Variants in SORCS1 observed in about 807,000 individuals in gnomAD.
SORCS1 encodes sortilin related VPS10 domain containing receptor 1, also known as VPS10 domain-containing receptor SorCS1.
SORCS1 carries 60 observed loss-of-function variants against 146.1 expected under a neutral mutation model. The ratio of observed to expected loss-of-function variants is 0.41; its 90% CI spans 0.33 to 0.51. The LOEUF is 0.51. Ranked by LOEUF, SORCS1 falls within the 20% of genes least tolerant of loss-of-function variation. SORCS1 has a pLI of 0.21. For synonymous variants in SORCS1, 637 were observed against 584.0 expected, an observed-to-expected ratio of 1.09 and a Z score of -1.31; for missense variants, 1,352 against 1,487.6, an observed-to-expected ratio of 0.91 and a Z score of 1.50.
intron 2 of SORCS1, among the ~76,000 whole-genome samples, chr10:106,865,051 C>G (rs1950178619): frequency 6.6e-6 from 1 of 150,408 alleles, no homozygotes; most frequent in Non-Finnish European, 1.5e-5. Context: ...ACTTAGCTGT[C>G]CTGCCCTTTG....
intron 2 of SORCS1, among the ~76,000 whole-genome samples, chr10:106,915,372 T>G (rs1411803418): frequency 1.3e-5 from 2 of 152,208 alleles, no homozygotes; most frequent in African/African-American, 4.8e-5. Flanking sequence ...CCTTAGCTTA[T>G]GCATTATCCT....
chr10:106,966,948 A>T (rs1300143497), intron 1 of SORCS1, among the ~76,000 whole-genome samples: 4 of 152,212 alleles, frequency 2.6e-5, no homozygotes, highest in African/African-American at 9.6e-5. Context: ...AAACCAAACT[A>T]TCAGACTCTA....
intron 3 of SORCS1, among the ~76,000 whole-genome samples, chr10:106,791,362 T>C (rs1243546057): frequency 6.6e-6 from 1 of 152,230 alleles, no homozygotes; most frequent in African/African-American, 2.4e-5. Flanking sequence ...TCAATTACTA[T>C]TTCCTCAAGT....
At chr10:106,653,299 T>A (rs1395380337) in intron 17 of SORCS1, among the ~76,000 whole-genome samples, 1 of 152,226 alleles carries the variant, frequency 6.6e-6, no homozygotes, top group Non-Finnish European at 1.5e-5. Context: ...GGTTCAGCGT[T>A]ATCTAGCCAT....
intron 24 of SORCS1, among the ~76,000 whole-genome samples, chr10:106,581,111 C>A (rs927081580): frequency 1.3e-5 from 2 of 152,170 alleles, no homozygotes; most frequent in Non-Finnish European, 1.5e-5. Context: ...TCAGAACTCA[C>A]CCTGCAACTG....
At chr10:107,135,755 C>T (rs1188001304) in intron 1 of SORCS1, among the ~76,000 whole-genome samples, 1 of 152,150 alleles carries the variant, frequency 6.6e-6, no homozygotes, top group Non-Finnish European at 1.5e-5. Flanking sequence ...ATTAAATACC[C>T]AGTAAAGTGC....
rs1380725939 is a variant in SORCS1, at chr10:106,806,505, C to CTTTCTTTTTTTTTTTTTTTTTTT, written c.726+23068_726+23069insAAAAAAAAAAAAAAAAAAAGAAA. Among the ~76,000 whole-genome samples the CTTTCTTTTTTTTTTTTTTTTTTT allele has an allele frequency of 2.8e-5, 2 of 70,468 alleles. 1 individual carries two copies. The allele number at this position is 70,468 out of a possible 152,430, so 46.2% of individuals were successfully genotyped here. On this transcript the variant is annotated intron_variant, in intron 3 of 25. Transcript: ENST00000263054. The stretch of plus-strand genomic sequence containing the variant: ...CAGCCCTTCTGATGAGAGAGGAAGC[C>CTTTCTTTTTTTTTTTTTTTTTTT]TTTTTTTTTTTTTTTTTTTTTTTTT...
At chr10:107,022,325 C>G (rs1160823221) in intron 1 of SORCS1, among the ~76,000 whole-genome samples, 2 of 152,164 alleles carry the variant, frequency 1.3e-5, no homozygotes, top group Non-Finnish European at 2.9e-5. Flanking sequence ...GAGTCCAGAC[C>G]AATCTTAAAT....
intron 2 of SORCS1, among the ~76,000 whole-genome samples, chr10:106,875,075 T>C (rs1007109787): frequency 5.9e-5 from 9 of 152,158 alleles, no homozygotes; most frequent in East Asian, 3.9e-4. Context: ...GTAGTGTACA[T>C]CGTACCCAAT....
intron 2 of SORCS1, among the ~76,000 whole-genome samples, chr10:106,929,600 T>A (rs1005680989): frequency 2.0e-5 from 3 of 152,224 alleles, no homozygotes; most frequent in African/African-American, 7.2e-5. Flanking sequence ...AACGCCTACA[T>A]TGCAGGCTTT....
intron 1 of SORCS1, among the ~76,000 whole-genome samples, chr10:107,046,896 C>G (rs569719019): frequency 2.6e-5 from 4 of 152,342 alleles, no homozygotes; most frequent in African/African-American, 9.6e-5. Context: ...AGCAGTCCCT[C>G]TATCATGATG....
chr10:106,823,990 C>A (rs1253117596), intron 3 of SORCS1, among the ~76,000 whole-genome samples: 1 of 152,138 alleles, frequency 6.6e-6, no homozygotes, highest in Non-Finnish European at 1.5e-5. Flanking sequence ...ATCAACCATT[C>A]CTCTTTGCTG....
intron 18 of SORCS1, among the ~76,000 whole-genome samples, chr10:106,648,079 C>T (rs541870926): frequency 6.6e-6 from 1 of 152,136 alleles, no homozygotes; most frequent in East Asian, 1.9e-4. Context: ...CCAAGCTGGT[C>T]TCAAACTCCT....
chr10:106,893,061 GT>G (rs745809111), intron 2 of SORCS1, among the ~76,000 whole-genome samples: 16 of 151,074 alleles, frequency 1.1e-4, no homozygotes, highest in Non-Finnish European at 2.2e-4. Flanking sequence ...CGCCCAGCTA[GT>G]TTTTTGTATT....
intron 2 of SORCS1, among the ~76,000 whole-genome samples, chr10:106,906,091 T>G (rs924491233): frequency 1.3e-5 from 2 of 152,120 alleles, no homozygotes; most frequent in East Asian, 3.9e-4. Flanking sequence ...TACCCAAGAC[T>G]GGGAAGAAAA....
intron 1 of SORCS1, among the ~76,000 whole-genome samples, chr10:106,971,334 G>A (rs7095746): frequency 3.3e-5 from 5 of 152,120 alleles, no homozygotes; most frequent in Non-Finnish European, 5.9e-5. Flanking sequence ...GCTGACCTAA[G>A]GAATTCCAGT....
At chr10:106,998,734 A>G (rs180869485) in intron 1 of SORCS1, among the ~76,000 whole-genome samples, 11 of 152,322 alleles carry the variant, frequency 7.2e-5, no homozygotes, top group Admixed American at 6.5e-4. Flanking sequence ...TACCACATAC[A>G]CACACCAATA....
At chr10:106,881,223 T>C (rs1411554618) in intron 2 of SORCS1, among the ~76,000 whole-genome samples, 2 of 152,188 alleles carry the variant, frequency 1.3e-5, no homozygotes, top group Non-Finnish European at 2.9e-5. Flanking sequence ...ACATCCTTAC[T>C]GATTCACTCA....
chr10:107,011,762 G>T (rs949899100), intron 1 of SORCS1, among the ~76,000 whole-genome samples: 5 of 152,110 alleles, frequency 3.3e-5, no homozygotes, highest in African/African-American at 1.2e-4. Flanking sequence ...AAAGCCATTT[G>T]CTGTATATGG....
Sources: allele counts gnomAD v4.1 joint callset (sites outside exome capture counted in the v4.1 genomes callset), GRCh38; gene constraint gnomAD v4.1.1; transcripts MANE v1.5; gene names NCBI Gene and HGNC (gene_info 2026-07-23, HGNC 2026-07-21).